The following GABRB2 variants were observed in gnomAD, a reference collection of about 807,000 sequenced individuals.
GABRB2 encodes the protein gamma-aminobutyric acid type A receptor subunit beta2, also known as gamma-aminobutyric acid receptor subunit beta-2.
A neutral mutation model predicts 54.7 loss-of-function variants in GABRB2; 16 were observed. That is an observed-to-expected ratio of 0.29 (90% CI 0.20 to 0.44). The LOEUF (loss-of-function observed/expected upper bound fraction) is 0.44, where lower values mean the gene tolerates loss of function less well. Ranked by LOEUF, GABRB2 falls within the 20% of genes least tolerant of loss-of-function variation. The pLI, the probability that GABRB2 is intolerant of heterozygous loss-of-function variation, is 1.00. For missense variants in GABRB2, 355 were observed against 644.0 expected (o/e 0.55, Z 4.86); for synonymous variants, 244 against 233.8 (o/e 1.04, Z -0.40).
At chr5:161,495,675 G>A (rs1561671332) in intron 3 of GABRB2, among the ~76,000 whole-genome samples, 1 of 151,984 alleles carries the variant, frequency 6.6e-6, no homozygotes, top group Non-Finnish European at 1.5e-5. Flanking sequence ...TTCTTTGCTA[G>A]TATTTGTAGG....
At chr5:161,315,513 A>C (rs1334992634) in intron 9 of GABRB2, among the ~76,000 whole-genome samples, 1 of 152,186 alleles carries the variant, frequency 6.6e-6, no homozygotes, top group African/African-American at 2.4e-5. Flanking sequence ...TTATTGAGAT[A>C]AATGAAAATG....
At chr5:161,454,742 C>A (rs893916460) in intron 4 of GABRB2, among the ~76,000 whole-genome samples, 1 of 152,058 alleles carries the variant, frequency 6.6e-6, no homozygotes, top group Non-Finnish European at 1.5e-5. Flanking sequence ...CTAATTCACC[C>A]CTCTTCCTAT....
intron 3 of GABRB2, among the ~76,000 whole-genome samples, chr5:161,508,726 G>C (rs778017074): frequency 6.6e-6 from 1 of 151,986 alleles, no homozygotes; most frequent in Non-Finnish European, 1.5e-5. Context: ...CAGTTGTCTC[G>C]ATAAGAGGAT....
At chr5:161,514,868 T>C (rs1430373853) in intron 3 of GABRB2, among the ~76,000 whole-genome samples, 2 of 152,218 alleles carry the variant, frequency 1.3e-5, no homozygotes, top group Non-Finnish European at 2.9e-5. Context: ...TTAATCTTTC[T>C]AATCTCTACT....
intron 4 of GABRB2, among the ~76,000 whole-genome samples, chr5:161,442,800 T>C (rs994977463): frequency 2.0e-5 from 3 of 152,074 alleles, no homozygotes; most frequent in Non-Finnish European, 4.4e-5. Context: ...CTTCTAGCCC[T>C]GTGACATGTT....
At position 161,455,029 on chromosome 5, in the gene GABRB2, A is replaced by G. The variant is rs1281340529; in HGVS notation, c.458+4595T>C. Among the ~76,000 whole-genome samples the G allele has an allele frequency of 2.0e-5, 3 of 152,168 alleles. No individual in the cohort carries two copies. The South Asian group carries it at 6.2e-4, about 32-fold the overall frequency. ...GATGAAAACTGTTAGAACTTAGTCT[A>G]TAAAAAAAGGGTCCATATTTCTAAA... is the stretch of plus-strand genomic sequence containing the variant. On this transcript the variant is annotated intron_variant, in intron 4 of 9. Coordinates refer to ENST00000393959, the MANE Select transcript of GABRB2 (RefSeq NM_001371727.1).
intron 5 of GABRB2, among the ~76,000 whole-genome samples, chr5:161,348,031 A>C (rs1236535274): frequency 6.6e-6 from 1 of 152,094 alleles, no homozygotes. Flanking sequence ...GCCCTGCTAT[A>C]CATGGGCTGT....
At chr5:161,392,137 C>T (rs1755842735) in intron 5 of GABRB2, among the ~76,000 whole-genome samples, 1 of 152,084 alleles carries the variant, frequency 6.6e-6, no homozygotes, top group African/African-American at 2.4e-5. Flanking sequence ...GTTCCAGGCC[C>T]CTTCTCATCA....
Position 161,379,706 on chromosome 5 carries a change from A to G in GABRB2, c.541+31269T>C, listed in dbSNP as rs1385189358. ...AAGTTTTCACTGCCTGCCACTTCCA[A>G]TTACCCCCTTTCTGAGTCAAATCAA... On this transcript the variant is annotated intron_variant, in intron 5 of 9. Transcript: ENST00000393959. Among the ~76,000 whole-genome samples, 4 of 152,208 alleles carry G rather than the reference A, an allele frequency of 2.6e-5. No homozygotes were observed. In the South Asian group the frequency reaches 6.2e-4, roughly 24 times the overall value.
chr5:161,427,300 G>A (rs1757029789), intron 4 of GABRB2, among the ~76,000 whole-genome samples: 1 of 152,150 alleles, frequency 6.6e-6, no homozygotes, highest in Non-Finnish European at 1.5e-5. Context: ...CAAACAGGAA[G>A]CTTTGACCAT....
Position 161,406,214 on chromosome 5 carries a change from A to G in GABRB2, c.541+4761T>C, listed in dbSNP as rs535063853. ...CAAATCCAGATGTCAAAATGTTTTA[A>G]AATACCCATCTTTGGATTTTGAAGC... On this transcript the variant is annotated intron_variant, in intron 5 of 9. Transcript: ENST00000393959. Among the ~76,000 whole-genome samples, 5 of 152,256 alleles carry G rather than the reference A, an allele frequency of 3.3e-5. No individual in the cohort carries two copies. In the East Asian group the frequency reaches 9.6e-4, roughly 29 times the overall value.
intron 3 of GABRB2, among the ~76,000 whole-genome samples, chr5:161,475,087 C>T (rs982379554): frequency 6.6e-6 from 1 of 151,888 alleles, no homozygotes; most frequent in African/African-American, 2.4e-5. Context: ...TGGAGGGATG[C>T]TTGAGGACTA....
chr5:161,496,502 G>T (rs916261157), intron 3 of GABRB2, among the ~76,000 whole-genome samples: 4 of 143,824 alleles, frequency 2.8e-5, no homozygotes, highest in Admixed American at 2.8e-4. Context: ...TTAAAAAAGA[G>T]AAAAAAGAAA....
chr5:161,303,239 T>C (rs252979), intron 9 of GABRB2, among the ~76,000 whole-genome samples: 14,855 of 152,234 alleles, frequency 0.098, 943 homozygotes, highest in Non-Finnish European at 0.14. Context: ...CCTATGCTTT[T>C]TCTACTAATT....
chr5:161,472,390 C>G (rs1190114736), intron 3 of GABRB2, among the ~76,000 whole-genome samples: 1 of 151,538 alleles, frequency 6.6e-6, no homozygotes, highest in East Asian at 1.9e-4. Flanking sequence ...GCTTCTATTA[C>G]CCTCCACCTT....
At chr5:161,535,495 T>C (rs919809789) in intron 3 of GABRB2, among the ~76,000 whole-genome samples, 1 of 152,196 alleles carries the variant, frequency 6.6e-6, no homozygotes, top group African/African-American at 2.4e-5. Flanking sequence ...CCTCATGGAA[T>C]GCAAATGATC....
At chr5:161,298,350 C>T (rs1456546664) in intron 9 of GABRB2, among the ~76,000 whole-genome samples, 2 of 152,112 alleles carry the variant, frequency 1.3e-5, no homozygotes, top group African/African-American at 4.8e-5. Flanking sequence ...GAAATCTTTG[C>T]CCGTGCCTAT....
chr5:161,358,217 G>A (rs937441725), intron 5 of GABRB2, among the ~76,000 whole-genome samples: 2 of 152,156 alleles, frequency 1.3e-5, no homozygotes, highest in East Asian at 3.8e-4. Flanking sequence ...GTATTAAGGA[G>A]TGGAGGCTAA....
At chr5:161,348,669 A>T (rs948301978) in intron 5 of GABRB2, among the ~76,000 whole-genome samples, 1 of 152,100 alleles carries the variant, frequency 6.6e-6, no homozygotes, top group Non-Finnish European at 1.5e-5. Context: ...TAAAATTATA[A>T]ACAATTCATT....
Sources: gnomAD v4.1 joint callset for allele counts (sites outside exome capture counted in the v4.1 genomes callset) on GRCh38, gnomAD v4.1.1 for gene constraint, MANE v1.5 for transcripts, NCBI Gene and HGNC (gene_info 2026-07-23, HGNC 2026-07-21) for gene names.